The following YWHAE variants were observed in gnomAD, a reference collection of about 807,000 sequenced individuals.
The protein encoded by YWHAE is tyrosine 3-monooxygenase/tryptophan 5-monooxygenase activation protein epsilon, also known as 14-3-3 protein epsilon.
Under a neutral mutation model 30.1 loss-of-function variants are expected in YWHAE, and 4 were observed. That is an observed-to-expected ratio of 0.13 (90% CI 0.07 to 0.30). YWHAE has a LOEUF of 0.30. Ranked by LOEUF, YWHAE falls within the 10% of genes least tolerant of loss-of-function variation. The pLI, the probability that YWHAE is intolerant of heterozygous loss-of-function variation, is 1.00. For synonymous variants in YWHAE, 118 were observed against 111.8 expected, an observed-to-expected ratio of 1.06 and a Z score of -0.35; for missense variants, 121 against 315.9, an observed-to-expected ratio of 0.38 and a Z score of 4.68.
At position 1,344,534 on chromosome 17, in the gene YWHAE, C is replaced by T. The variant is rs969448092; in HGVS notation, c.*913G>A. The stretch of plus-strand genomic sequence containing the variant: ...TTTAGAAGTATAAAGGATGGAGGCG[C>T]GATATTTGGCATTTTTAATTTAGGT... On this transcript the variant is annotated 3_prime_UTR_variant, in exon 6 of 6. Transcript: ENST00000264335. 1.1e-4 allele frequency: 22 copies of T among 206,564 alleles called. No homozygotes were observed. Among genetic ancestry groups the T allele is most frequent in the Middle Eastern group, 3.1e-3 (2 of 642 alleles). 12.8% of individuals were successfully genotyped at this position (206,564 alleles called of 1,614,324 possible).
At chr17:1,381,019 A>G (rs185232275) in intron 1 of YWHAE, among the ~76,000 whole-genome samples, 2 of 152,202 alleles carry the variant, frequency 1.3e-5, no homozygotes, top group Non-Finnish European at 2.9e-5. Context: ...AGTAGGTATT[A>G]TAAGTAACGA....
chr17:1,383,031 G>GA (rs112094150), intron 1 of YWHAE, among the ~76,000 whole-genome samples: 1,655 of 118,926 alleles, frequency 0.014, 15 homozygotes, highest in South Asian at 0.031. Context: ...TCTCAAGAAA[G>GA]AAAAAAAAAA....
chr17:1,379,863 T>C (rs1354521019), intron 1 of YWHAE, among the ~76,000 whole-genome samples: 1 of 152,234 alleles, frequency 6.6e-6, no homozygotes, highest in African/African-American at 2.4e-5. Flanking sequence ...ATGTAAATTA[T>C]ACTTTGTGTT....
intron 1 of YWHAE, among the ~76,000 whole-genome samples, chr17:1,370,348 G>A (rs2073017743): frequency 6.6e-6 from 1 of 151,722 alleles, no homozygotes; most frequent in Non-Finnish European, 1.5e-5. Context: ...AGCCAGGACG[G>A]TCTCGATCTC....
At chr17:1,390,207 G>T (rs550676518) in intron 1 of YWHAE, among the ~76,000 whole-genome samples, 1 of 152,232 alleles carries the variant, frequency 6.6e-6, no homozygotes, top group African/African-American at 2.4e-5. Flanking sequence ...GTTTGCTAAG[G>T]AGAAAGTCTC....
Position 1,361,016 on chromosome 17 carries a change from G to A in YWHAE, c.578+76C>T, listed in dbSNP as rs2072855572. The A allele has an allele frequency of 2.2e-6, 3 of 1,384,012 alleles. No homozygotes were observed. The African/African-American group carries it at 4.3e-5, about 20-fold the overall frequency. 85.7% of individuals were successfully genotyped at this position (1,384,012 alleles called of 1,614,324 possible). A position where few individuals can be genotyped will look rare whatever the true frequency, so the allele number is the denominator to read the frequency against. On this transcript the variant is annotated intron_variant, in intron 4 of 5. Transcript: ENST00000264335. ...GCCAAGTCTACAAAGACAGGCCCAA[G>A]AAACAACACGGAAAACCCAAACAGC... is the stretch of plus-strand genomic sequence containing the variant.
At chr17:1,397,709 A>G (rs1397044547) in intron 1 of YWHAE, among the ~76,000 whole-genome samples, 1 of 152,126 alleles carries the variant, frequency 6.6e-6, no homozygotes, top group East Asian at 1.9e-4. Flanking sequence ...AAACTTTGCC[A>G]CCAGAAACAA....
intron 1 of YWHAE, among the ~76,000 whole-genome samples, chr17:1,383,761 T>C (rs895261387): frequency 6.6e-6 from 1 of 152,122 alleles, no homozygotes. Context: ...TTGCTAGTAT[T>C]ATAAACAGTT....
chr17:1,365,119 T>G, intron 1 of YWHAE, 61 bp from the exon 2 acceptor site: 1 of 1,529,464 alleles, frequency 6.5e-7, no homozygotes, highest in Non-Finnish European at 8.8e-7. Context: ...CATATTCCTT[T>G]CAAAGTAGTT....
intron 2 of YWHAE, among the ~76,000 whole-genome samples, chr17:1,362,967 C>T (rs2072886267): frequency 6.6e-6 from 1 of 152,032 alleles, no homozygotes; most frequent in African/African-American, 2.4e-5. Flanking sequence ...TTCTATTTCT[C>T]AGTTTTTGTC....
intron 1 of YWHAE, among the ~76,000 whole-genome samples, chr17:1,398,249 C>T (rs188323777): frequency 2.6e-5 from 4 of 152,090 alleles, no homozygotes; most frequent in Non-Finnish European, 5.9e-5. Context: ...GAGGAGACTT[C>T]CAATACAAGC....
Position 1,400,200 on chromosome 17 carries a change from CA to C in YWHAE, c.-91del. On this transcript the variant is annotated 5_prime_UTR_variant, in exon 1 of 6. Transcript: ENST00000264335. ...AGCCTCTCGCTCCGCGTCCGGGCAG[CA>C]AAAATGGCGGCGCCTCAATCCGGGA... 6.6e-7 allele frequency: 1 copy of C among 1,504,672 alleles called. No homozygotes were observed. 93.2% of individuals were successfully genotyped at this position (1,504,672 alleles called of 1,614,324 possible). A position where few individuals can be genotyped will look rare whatever the true frequency, so the allele number is the denominator to read the frequency against.
chr17:1,354,449 AAT>A, intron 4 of YWHAE, 102 bp from the exon 5 acceptor site: 3 of 1,165,658 alleles, frequency 2.6e-6, no homozygotes, highest in Non-Finnish European at 3.6e-6. Context: ...TCCAGTTTGT[AAT>A]AGTCACAATG....
At chr17:1,384,738 T>C (rs968826405) in intron 1 of YWHAE, among the ~76,000 whole-genome samples, 4 of 151,922 alleles carry the variant, frequency 2.6e-5, no homozygotes, top group Non-Finnish European at 4.4e-5. Flanking sequence ...AGAGTTTTTC[T>C]CTTGTTGCTC....
chr17:1,369,592 G>GC (rs2072998662), intron 1 of YWHAE: 1 of 152,040 alleles, frequency 6.6e-6, no homozygotes, highest in Non-Finnish European at 1.5e-5. Flanking sequence ...AAAAAGAAAA[G>GC]CCCCAAACCC....
chr17:1,385,991 T>C (rs2073295176), intron 1 of YWHAE, among the ~76,000 whole-genome samples: 1 of 152,088 alleles, frequency 6.6e-6, no homozygotes, highest in Non-Finnish European at 1.5e-5. Context: ...CCTTCCGAAG[T>C]GGAAGGAGTA....
chr17:1,368,208 G>A (rs1440230483), intron 1 of YWHAE, among the ~76,000 whole-genome samples: 1 of 152,048 alleles, frequency 6.6e-6, no homozygotes, highest in South Asian at 2.1e-4. Flanking sequence ...CCAGCATGGA[G>A]AAACTAAAAA....
At chr17:1,370,580 G>A (rs1196350741) in intron 1 of YWHAE, among the ~76,000 whole-genome samples, 5 of 152,010 alleles carry the variant, frequency 3.3e-5, no homozygotes, top group East Asian at 1.9e-4. Context: ...ACAAGTGGGC[G>A]CCACCACGCC....
intron 1 of YWHAE, among the ~76,000 whole-genome samples, chr17:1,368,325 G>A (rs554130516): frequency 6.6e-6 from 1 of 151,636 alleles, no homozygotes; most frequent in Non-Finnish European, 1.5e-5. Flanking sequence ...GCACTGAGTG[G>A]AGATCGCGCC....
Sources: gnomAD v4.1 joint callset for allele counts (sites outside exome capture counted in the v4.1 genomes callset) on GRCh38, gnomAD v4.1.1 for gene constraint, MANE v1.5 for transcripts, NCBI Gene and HGNC (gene_info 2026-07-23, HGNC 2026-07-21) for gene names.